The following TADA2A variants were observed in gnomAD, a reference collection of about 807,000 sequenced individuals.
TADA2A encodes the protein transcriptional adaptor 2A.
Under a neutral mutation model 67.4 loss-of-function variants are expected in TADA2A, and 38 were observed. The observed-to-expected ratio is 0.56, with a 90% confidence interval of 0.44 to 0.74. The LOEUF is 0.74. TADA2A is among the 30% of genes least tolerant of loss of function. The pLI is 0.00. For synonymous variants in TADA2A, 192 were observed against 181.6 expected (o/e 1.06, Z -0.46); for missense variants, 454 against 547.0 (o/e 0.83, Z 1.70).
At chr17:37,418,394 A>G (rs867608638) in intron 2 of TADA2A, among the ~76,000 whole-genome samples, 31 of 152,144 alleles carry the variant, frequency 2.0e-4, no homozygotes, top group African/African-American at 7.5e-4. Context: ...CATTGTGGCA[A>G]CAAAAAGGTA....
chr17:37,474,663 T>C (rs371549747), intron 15 of TADA2A, 34 bp downstream of exon 15: 2 of 1,584,590 alleles, frequency 1.3e-6, no homozygotes, highest in African/African-American at 2.7e-5. Flanking sequence ...AGAAAGAGAA[T>C]AGGGGCTGAT....
intron 6 of TADA2A, among the ~76,000 whole-genome samples, chr17:37,441,417 T>C (rs1449242307): frequency 6.6e-6 from 1 of 152,204 alleles, no homozygotes; most frequent in Non-Finnish European, 1.5e-5. Flanking sequence ...AGCCCAAGAA[T>C]CAGTTTGTTA....
intron 11 of TADA2A, 75 bp from the exon 12 acceptor site, chr17:37,467,379 C>G: frequency 2.5e-6 from 3 of 1,211,414 alleles, no homozygotes; most frequent in Non-Finnish European, 3.6e-6. Context: ...AATGAAAATG[C>G]TCAATAGCAA....
intron 4 of TADA2A, among the ~76,000 whole-genome samples, chr17:37,432,932 T>TTTG (rs1555683417): frequency 6.1e-5 from 9 of 146,486 alleles, no homozygotes; most frequent in Admixed American, 6.9e-5. Context: ...ACAATTTTTT[T>TTTG]TTTTTTTTTT....
At chr17:37,462,200 G>T in intron 10 of TADA2A, 79 bp downstream of exon 10, 1 of 999,212 alleles carries the variant, frequency 1.0e-6, no homozygotes, top group Non-Finnish European at 1.5e-6. Flanking sequence ...ACGTATTGTA[G>T]TTCTTAATCC....
intron 2 of TADA2A, among the ~76,000 whole-genome samples, chr17:37,411,843 CAA>C (rs2051883167): frequency 6.9e-6 from 1 of 143,896 alleles, no homozygotes; most frequent in Non-Finnish European, 1.6e-5. Flanking sequence ...TTATGAGTAT[CAA>C]AATAAAATCA....
At chr17:37,437,707 C>G in intron 4 of TADA2A, 31 bp from the exon 5 acceptor site, 1 of 1,603,136 alleles carries the variant, frequency 6.2e-7, no homozygotes, top group Non-Finnish European at 8.5e-7. Context: ...ATTTGTATCT[C>G]TGTTCTTAAG....
intron 2 of TADA2A, among the ~76,000 whole-genome samples, chr17:37,414,792 T>C (rs1478304335): frequency 6.6e-6 from 1 of 152,158 alleles, no homozygotes; most frequent in Non-Finnish European, 1.5e-5. Context: ...CTCAACCCCT[T>C]GTACTTACCA....
chr17:37,429,827 A>G (rs2147941481), intron 4 of TADA2A, among the ~76,000 whole-genome samples: 1 of 152,296 alleles, frequency 6.6e-6, no homozygotes, highest in East Asian at 1.9e-4. Flanking sequence ...AAACAATTTC[A>G]GTCTTTTAAT....
At chr17:37,457,176 C>CTTTTTTT (rs34125875) in intron 8 of TADA2A, among the ~76,000 whole-genome samples, 130 of 105,924 alleles carry the variant, frequency 1.2e-3, no homozygotes, top group Non-Finnish European at 1.5e-3. Flanking sequence ...AATCATTATT[C>CTTTTTTT]TTTTTTTTTT....
At chr17:37,471,594 G>A (rs367882754) in intron 14 of TADA2A, among the ~76,000 whole-genome samples, 2 of 150,864 alleles carry the variant, frequency 1.3e-5, no homozygotes, top group East Asian at 2.0e-4. Flanking sequence ...TGCAACCTCC[G>A]CTTCCCGGGT....
At chr17:37,428,195 C>T (rs1409289666) in intron 4 of TADA2A, among the ~76,000 whole-genome samples, 4 of 152,078 alleles carry the variant, frequency 2.6e-5, no homozygotes, top group African/African-American at 9.7e-5. Context: ...TATCTTAAGA[C>T]AACACAAATT....
rs1441397313 is a variant in TADA2A, at chr17:37,442,549, T to C, written c.443-15T>C. 2 of 1,610,322 alleles carry C rather than the reference T, an allele frequency of 1.2e-6. No homozygotes were observed. The highest frequency in any genetic ancestry group is 2.2e-5 in the East Asian group (1 of 44,826). Reference sequence around the variant, plus strand: ...ATTGTATTAGTTAACTCAGAAACCTTCTAAATTCTTCCAGCTACAGATGAC... The same window carrying C: ...ATTGTATTAGTTAACTCAGAAACCTCCTAAATTCTTCCAGCTACAGATGAC... On this transcript the variant is annotated splice_polypyrimidine_tract_variant and intron_variant, in intron 6 of 15. Transcript: ENST00000615182.
At chr17:37,458,312 G>A (rs889708087) in intron 8 of TADA2A, among the ~76,000 whole-genome samples, 5 of 152,134 alleles carry the variant, frequency 3.3e-5, no homozygotes, top group African/African-American at 4.8e-5. Context: ...AATGCCATAA[G>A]ATATATAAAT....
chr17:37,436,743 G>A (rs1403913103), intron 4 of TADA2A, among the ~76,000 whole-genome samples: 1 of 151,572 alleles, frequency 6.6e-6, no homozygotes, highest in Non-Finnish European at 1.5e-5. Context: ...CTGGATAGAT[G>A]TCTCTACCCT....
In TADA2A at chr17:37,476,843, A is replaced by C. The variant is rs780549502; in HGVS notation, c.1193A>C (p.Lys398Thr). 46 of 1,614,024 alleles carry C rather than the reference A, an allele frequency of 2.9e-5. No homozygotes were observed. The highest frequency in any genetic ancestry group is 3.6e-5 in the Non-Finnish European group (43 of 1,179,988). Residue 398 changes from lysine (K) to threonine (T), a missense_variant, in exon 16 of 16, where the codon AAA becomes ACA. Lys to Thr is a moderately conservative substitution (Grantham distance 78). Transcript: ENST00000615182. ...GTCCCTGGAGCCTATTTAGAATACA[A>C]ATCTGCTCTATTGAACGAATGTAAC... ...RLVPGAYLEY[K>T]SALLNECNKQ...
chr17:37,449,115 G>A (rs1157606305), intron 8 of TADA2A, among the ~76,000 whole-genome samples: 1 of 152,004 alleles, frequency 6.6e-6, no homozygotes, highest in Non-Finnish European at 1.5e-5. Context: ...CCGCCTCCTG[G>A]GTTCACGCCA....
At chr17:37,457,704 C>A (rs953913945) in intron 8 of TADA2A, among the ~76,000 whole-genome samples, 1 of 151,736 alleles carries the variant, frequency 6.6e-6, no homozygotes, top group Non-Finnish European at 1.5e-5. Flanking sequence ...CCGTGTTGGC[C>A]AGGCTGGTCT....
At chr17:37,419,449 C>T (rs2052161383) in intron 2 of TADA2A, among the ~76,000 whole-genome samples, 3 of 146,188 alleles carry the variant, frequency 2.1e-5, no homozygotes, top group Non-Finnish European at 3.0e-5. Context: ...GCTGGAATTA[C>T]GTGCATGAGC....
Sources: allele counts gnomAD v4.1 joint callset (sites outside exome capture counted in the v4.1 genomes callset), GRCh38; gene constraint gnomAD v4.1.1; transcripts MANE v1.5; gene names NCBI Gene and HGNC (gene_info 2026-07-23, HGNC 2026-07-21).